Variants in BICD2 observed in about 807,000 individuals in gnomAD.
BICD2 encodes protein bicaudal D homolog 2.
A neutral mutation model predicts 72.9 loss-of-function variants in BICD2; 25 were observed. The ratio of observed to expected loss-of-function variants is 0.34; its 90% CI spans 0.25 to 0.48. The LOEUF (loss-of-function observed/expected upper bound fraction) is 0.48. Ranked by LOEUF, BICD2 falls within the 20% of genes least tolerant of loss-of-function variation. The pLI, the probability that BICD2 is intolerant of heterozygous loss-of-function variation, is 0.99. For missense variants in BICD2, 894 were observed against 1,175.2 expected (o/e 0.76, Z 3.50); for synonymous variants, 501 against 516.1 (o/e 0.97, Z 0.40).
chr9:92,742,448 G>C (rs941938532), intron 1 of BICD2, among the ~76,000 whole-genome samples: 1 of 149,926 alleles, frequency 6.7e-6, no homozygotes, highest in Non-Finnish European at 1.5e-5. Context: ...GCAGTGGCGC[G>C]ATCTTGGCTC....
intron 1 of BICD2, among the ~76,000 whole-genome samples, chr9:92,752,977 T>TA (rs1218667901): frequency 1.3e-5 from 2 of 152,186 alleles, no homozygotes; most frequent in Non-Finnish European, 2.9e-5. Flanking sequence ...AGAATAACTT[T>TA]AGAGTGGCGG....
At chr9:92,743,164 C>T (rs1448557061) in intron 1 of BICD2, among the ~76,000 whole-genome samples, 4 of 152,112 alleles carry the variant, frequency 2.6e-5, no homozygotes, top group Admixed American at 2.6e-4. Flanking sequence ...TGGTTACAGC[C>T]ATCCCAGTGG....
intron 1 of BICD2, among the ~76,000 whole-genome samples, chr9:92,741,075 C>T (rs1853888589): frequency 6.6e-6 from 1 of 152,370 alleles, no homozygotes; most frequent in Non-Finnish European, 1.5e-5. Flanking sequence ...CCTGATGTAT[C>T]TGTTGAACAC....
At chr9:92,728,989 G>A in intron 2 of BICD2, 35 bp downstream of exon 2, 2 of 1,598,974 alleles carry the variant, frequency 1.3e-6, no homozygotes, top group South Asian at 2.2e-5. Context: ...TGGCACTGCT[G>A]CAGCCACAGA....
intron 5 of BICD2, 129 bp downstream of exon 5, chr9:92,718,409 TG>T (rs1212838554): frequency 8.9e-7 from 1 of 1,128,756 alleles, no homozygotes; most frequent in Non-Finnish European, 1.2e-6. Context: ...CGAGCTACTA[TG>T]GGGCTGGCTC....
At position 92,712,757 on chromosome 9, in the gene BICD2, G is replaced by GAAT. The variant is rs1259740768; in HGVS notation, c.*2394_*2396dup. ...TCTTGTTACATTGAACTATTCCTAA[G>GAAT]AATAATAATAATACAATATGAAAAA... On this transcript the variant is annotated 3_prime_UTR_variant, in exon 7 of 7. Transcript: ENST00000356884. 2 of 152,048 alleles carry GAAT rather than the reference G, an allele frequency of 1.3e-5. No homozygotes were observed. The highest frequency in any genetic ancestry group is 3.9e-4 in the East Asian group (2 of 5,172). 9.4% of individuals were successfully genotyped at this position (152,048 alleles called of 1,614,324 possible). A position where few individuals can be genotyped will look rare whatever the true frequency, so the allele number is the denominator to read the frequency against.
In BICD2 at chr9:92,736,527, G is replaced by A. The variant is rs10992440; in HGVS notation, c.241-7291C>T. Among the ~76,000 whole-genome samples the A allele has an allele frequency of 3.4e-4, 52 of 152,334 alleles. No individual in the cohort carries two copies. The East Asian group carries it at 9.4e-3, about 28-fold the overall frequency. On this transcript the variant is annotated intron_variant, in intron 1 of 6. Transcript: ENST00000356884. The stretch of plus-strand genomic sequence containing the variant: ...TTGTGAATAATCCATCCCTTGTTTA[G>A]CATATAATCAAGAAATAACTATAAG...
intron 1 of BICD2, among the ~76,000 whole-genome samples, chr9:92,759,643 C>T (rs1297842445): frequency 1.3e-5 from 2 of 152,216 alleles, no homozygotes; most frequent in Non-Finnish European, 2.9e-5. Flanking sequence ...GCTTCAGAGG[C>T]CACACTCTGA....
chr9:92,764,802 G>GCCGCCA lies in BICD2; in HGVS notation c.-59_-58insTGGCGG. On this transcript the variant is annotated 5_prime_UTR_variant, in exon 1 of 7. Coordinates refer to ENST00000356884, the MANE Select transcript of BICD2 (RefSeq NM_001003800.2). The surrounding 1 kb of genome is among the most constrained non-coding windows in gnomAD (Gnocchi z 5.5). ...GCTCTCGCAGGCCGGGCCCTCCTCAGCCGCCGCCGCTGCCGCCGCCGCCGC... is the reference window on the plus strand; with the variant it reads ...GCTCTCGCAGGCCGGGCCCTCCTCAGCCGCCACCGCCGCCGCTGCCGCCGCCGCCGC... 2 of 1,182,014 alleles carry GCCGCCA rather than the reference G, an allele frequency of 1.7e-6. No homozygotes were observed. Among genetic ancestry groups the GCCGCCA allele is most frequent in the Admixed American group, 1.3e-4 (2 of 15,202 alleles). The allele number at this position is 1,182,014 out of a possible 1,614,324, so 73.2% of individuals were successfully genotyped here.
chr9:92,731,119 C>T (rs563553186), intron 1 of BICD2, among the ~76,000 whole-genome samples: 8 of 152,332 alleles, frequency 5.3e-5, no homozygotes, highest in South Asian at 2.1e-4. Context: ...GTGAAGGGCC[C>T]GCCGGCTGCA....
At chr9:92,723,304 C>T (rs1853501249) in intron 2 of BICD2, among the ~76,000 whole-genome samples, 1 of 152,212 alleles carries the variant, frequency 6.6e-6, no homozygotes, top group Non-Finnish European at 1.5e-5. Flanking sequence ...AAGGTGGAAG[C>T]AGCCCAAGTG....
At chr9:92,721,130 A>G (rs1853456874) in intron 3 of BICD2, among the ~76,000 whole-genome samples, 2 of 152,270 alleles carry the variant, frequency 1.3e-5, no homozygotes, top group South Asian at 4.1e-4. Flanking sequence ...GAAGGCTGCC[A>G]ACCTTGTATT....
chr9:92,757,736 T>C (rs923569671), intron 1 of BICD2, among the ~76,000 whole-genome samples: 3 of 152,010 alleles, frequency 2.0e-5, no homozygotes, highest in African/African-American at 7.3e-5. Context: ...TCTATTTTCT[T>C]AGCAAAACAA....
rs1853632156 is a variant in BICD2, at chr9:92,729,252, A to T, written c.241-16T>A. ...GTCCAAAGGCCTGCATCAGAAGACA[A>T]GACACTCGTGAGGTGGGCCTCCCAG... On this transcript the variant is annotated splice_polypyrimidine_tract_variant and intron_variant, in intron 1 of 6. Transcript: ENST00000356884. 1.9e-6 allele frequency: 3 copies of T among 1,613,298 alleles called. No homozygotes were observed. In the East Asian group the frequency reaches 6.7e-5, roughly 36 times the overall value.
intron 1 of BICD2, among the ~76,000 whole-genome samples, chr9:92,751,476 C>A (rs79044071): frequency 0.011 from 1,702 of 152,212 alleles, 37 homozygotes; most frequent in African/African-American, 0.038. Flanking sequence ...TAAGTAGAGT[C>A]TATAAGACTA....
In BICD2 at chr9:92,719,034, G is replaced by A. The variant is rs746019108; in HGVS notation, c.1611C>T (p.Leu537=). ...TGTTGCACATGCACACGTGGTGGTA[G>A]AGATTGGCCAGCTCCTCACTGAAGG... ...LVTFSEELAN[L]YHHVCMCNNE... Residue 537 remains leucine (L), a synonymous_variant, in exon 5 of 7, where the codon CTC becomes CTT. Coordinates refer to ENST00000356884, the MANE Select transcript of BICD2 (RefSeq NM_001003800.2). 2.5e-6 allele frequency: 4 copies of A among 1,612,660 alleles called. No homozygotes were observed. The highest frequency in any genetic ancestry group is 3.4e-6 in the Non-Finnish European group (4 of 1,179,972).
chr9:92,715,767 T>C (rs1265549392), intron 6 of BICD2, among the ~76,000 whole-genome samples: 2 of 152,224 alleles, frequency 1.3e-5, no homozygotes, highest in East Asian at 1.9e-4. Context: ...TTCAGCTGCA[T>C]GTAGTGCTTA....
chr9:92,719,630 C>G, intron 4 of BICD2, 48 bp from the exon 5 acceptor site: 1 of 1,506,696 alleles, frequency 6.6e-7, no homozygotes, highest in Middle Eastern at 1.7e-4. Context: ...CTATGGACCC[C>G]GAGAGCTTGG....
In BICD2 at chr9:92,764,687, C is replaced by T. The variant is rs780000539; in HGVS notation, c.58G>A (p.Glu20Lys). ...YARLVMEAQP[E>K]WLRAEVKRLS... ...CGCTTCACCTCGGCGCGCAGCCACT[C>T]CGGCTGCGCCTCCATCACCAGCCGC... is the stretch of plus-strand genomic sequence containing the variant. The change falls in exon 1 of 7, where the codon GAG becomes AAG. Residue 20 changes from glutamate (E) to lysine (K), a missense_variant. By Grantham distance (56) the Glu-to-Lys change is moderately conservative. This residue lies in a region of BICD2 where 192 missense variants were observed against 243.6 expected (regional missense o/e 0.79). Coordinates refer to ENST00000356884, the MANE Select transcript of BICD2 (RefSeq NM_001003800.2). This position sits in a 1 kb window ranked among gnomAD's most constrained non-coding sequence, Gnocchi z 5.5. 2.6e-5 allele frequency: 41 copies of T among 1,589,172 alleles called. No individual in the cohort carries two copies. The East Asian group carries it at 6.9e-4, about 27-fold the overall frequency.
Sources: gnomAD v4.1 joint callset for allele counts (sites outside exome capture counted in the v4.1 genomes callset) on GRCh38, gnomAD v4.1.1 for gene constraint, gnomAD v4.1.1 regional missense constraint, Gnocchi (gnomAD v3.1) non-coding constraint, MANE v1.5 for transcripts, NCBI Gene and HGNC (gene_info 2026-07-23, HGNC 2026-07-21) for gene names.